The following MAP3K21 variants were observed in gnomAD, a reference collection of about 807,000 sequenced individuals.
MAP3K21 encodes the protein mitogen-activated protein kinase kinase kinase MLK4.
A neutral mutation model predicts 86.1 loss-of-function variants in MAP3K21; 63 were observed. The observed-to-expected ratio is 0.73, with a 90% CI of 0.60 to 0.90. The LOEUF is 0.90. Ranked by LOEUF, MAP3K21 falls within the 40% of genes least tolerant of loss-of-function variation. MAP3K21 has a pLI of 0.00. For missense variants in MAP3K21, 1,220 were observed against 1,367.7 expected, an observed-to-expected ratio of 0.89 and a Z score of 1.70; for synonymous variants, 558 against 564.8, an observed-to-expected ratio of 0.99 and a Z score of 0.17.
chr1:233,328,710 C>A lies in MAP3K21; in HGVS notation c.682C>A (p.Arg228Ser). Reference protein sequence around the residue: ...APDPRAPGPRRARRIPPHVLV... With the variant: ...APDPRAPGPRSARRIPPHVLV... ...GGACCCGCGCGCGCCCGGCCCCCGC[C>A]GCGCGCGCCGCATCCCTCCGCACGT... Residue 228 changes from arginine to serine, a missense_variant, in exon 1 of 10, where the codon CGC (arginine) becomes AGC (serine). Transcript: ENST00000366624. The surrounding 1 kb of genome is among the most constrained non-coding windows in gnomAD (Gnocchi z 8.7). The A allele has an allele frequency of 7.2e-7, 1 of 1,387,090 alleles. No individual in the cohort carries two copies. Among genetic ancestry groups the A allele is most frequent in the Non-Finnish European group, 9.4e-7 (1 of 1,063,730 alleles). The allele number at this position is 1,387,090 out of a possible 1,614,324, so 85.9% of individuals were successfully genotyped here. A position where few individuals can be genotyped will look rare whatever the true frequency, so the allele number is the denominator to read the frequency against.
rs1663876021 is a variant in MAP3K21 at position 233,379,660 on chromosome 1, A to G, written c.2654A>G (p.His885Arg). Reference sequence around the variant, plus strand: ...GTACCTTACTGTGCTTCTTCAAAACATAGACCGTCACATCACAGACGGACC... The same window carrying G: ...GTACCTTACTGTGCTTCTTCAAAACGTAGACCGTCACATCACAGACGGACC... ...GNVPYCASSK[H>R]RPSHHRRTMS... Residue 885 changes from histidine to arginine, a missense_variant, in exon 9 of 10, where the codon CAT becomes CGT. By Grantham distance (29) the His-to-Arg change is conservative. Around this residue, in one of 5 missense-constraint regions of MAP3K21, gnomAD observed 632 missense variants for 691.3 expected, o/e 0.91. Coordinates refer to ENST00000366624, the MANE Select transcript of MAP3K21 (RefSeq NM_032435.3). 1 of 1,613,864 alleles carries G rather than the reference A, an allele frequency of 6.2e-7. No homozygotes were observed. Among genetic ancestry groups the G allele is most frequent in the South Asian group, 1.1e-5 (1 of 91,088 alleles).
intron 8 of MAP3K21, among the ~76,000 whole-genome samples, chr1:233,377,310 T>C (rs1663818797): frequency 6.6e-6 from 1 of 152,226 alleles, no homozygotes; most frequent in African/African-American, 2.4e-5. Flanking sequence ...GTCTTTATAC[T>C]TGACCATTTA....
At chr1:233,380,071 C>T (rs116795467) in intron 9 of MAP3K21, among the ~76,000 whole-genome samples, 2,619 of 152,272 alleles carry the variant, frequency 0.017, 74 homozygotes, top group African/African-American at 0.06. Context: ...CGCCTCCCTG[C>T]GGGCCTTGTC....
Position 233,339,486 on chromosome 1 carries a change from C to CTT in MAP3K21, c.806-6945_806-6944dup, listed in dbSNP as rs746238626. On this transcript the variant is annotated intron_variant, in intron 1 of 9. Coordinates refer to ENST00000366624, the MANE Select transcript of MAP3K21 (RefSeq NM_032435.3). The stretch of plus-strand genomic sequence containing the variant: ...CCTCCTTCTCCTTCTTCTTCTTCTT[C>CTT]TTTTTTTTTTTTGAGGCAGGGTCTT... Among the ~76,000 whole-genome samples the CTT allele has an allele frequency of 2.0e-3, 168 of 85,216 alleles. 1 individual carries two copies. Among genetic ancestry groups the CTT allele is most frequent in the African/African-American group, 8.2e-3 (163 of 19,786 alleles). The allele number at this position is 85,216 out of a possible 152,430, so 55.9% of individuals were successfully genotyped here.
chr1:233,360,446 C>T (rs1391543377), intron 4 of MAP3K21, among the ~76,000 whole-genome samples: 1 of 151,958 alleles, frequency 6.6e-6, no homozygotes, highest in East Asian at 1.9e-4. Context: ...ATCATTTGGT[C>T]TAAAATAAAT....
intron 1 of MAP3K21, among the ~76,000 whole-genome samples, chr1:233,335,471 T>A (rs1483460179): frequency 6.6e-6 from 1 of 152,156 alleles, no homozygotes; most frequent in Non-Finnish European, 1.5e-5. Flanking sequence ...TCACAATTTA[T>A]CCTCATTTAT....
At chr1:233,347,219 T>A (rs1412527479) in intron 2 of MAP3K21, among the ~76,000 whole-genome samples, 1 of 152,182 alleles carries the variant, frequency 6.6e-6, no homozygotes, top group Non-Finnish European at 1.5e-5. Context: ...TAACAAACTT[T>A]TGATTCCTTG....
At position 233,354,993 on chromosome 1, in the gene MAP3K21, G is replaced by A; in HGVS notation, c.1293G>A (p.Glu431=). The part of the protein sequence containing the change: ...WKLEIQQMFD[E]LRTKEKELRS... ...TAGAAATTCAACAAATGTTTGATGA[G>A]TTGAGAACAAAGGAAAAGGTGAGAG... Residue 431 remains glutamate, a synonymous_variant, in exon 4 of 10, where the codon GAG becomes GAA. Transcript: ENST00000366624. 1 of 1,612,220 alleles carries A rather than the reference G, an allele frequency of 6.2e-7. No individual in the cohort carries two copies. Among genetic ancestry groups the A allele is most frequent in the Non-Finnish European group, 8.5e-7 (1 of 1,178,844 alleles).
At chr1:233,339,609 T>C (rs1662998345) in intron 1 of MAP3K21, among the ~76,000 whole-genome samples, 1 of 151,660 alleles carries the variant, frequency 6.6e-6, no homozygotes, top group Non-Finnish European at 1.5e-5. Context: ...GCCTCCCAAA[T>C]AGCTGGGGCT....
At chr1:233,343,460 C>G (rs888047099) in intron 1 of MAP3K21, among the ~76,000 whole-genome samples, 1 of 152,046 alleles carries the variant, frequency 6.6e-6, no homozygotes, top group African/African-American at 2.4e-5. Context: ...GCGGGTTGGC[C>G]CTAGACTGCA....
In MAP3K21 at chr1:233,353,845, TC is replaced by T; in HGVS notation, c.1029del (p.Tyr344IlefsTer13). ...CTGTGGGAACTGCTCACCGGAGAAGTCCCCTATCGGGGCATTGATGGCCTCG... is the reference window on the plus strand; with the variant it reads ...CTGTGGGAACTGCTCACCGGAGAAGTCCCTATCGGGGCATTGATGGCCTCG... ...VLLWELLTGEVPYRGIDGLAV... is the reference protein window; with the variant it reads ...VLLWELLTGEXPYRGIDGLAV... On this transcript the variant is annotated frameshift_variant, in exon 3 of 10. Coordinates refer to ENST00000366624, the MANE Select transcript of MAP3K21 (RefSeq NM_032435.3). LOFTEE classifies it high-confidence loss of function. 1 of 1,609,294 alleles carries T rather than the reference TC, an allele frequency of 6.2e-7. No homozygotes were observed. The highest frequency in any genetic ancestry group is 8.5e-7 in the Non-Finnish European group (1 of 1,178,468).
chr1:233,345,135 G>T (rs577667080), intron 1 of MAP3K21, among the ~76,000 whole-genome samples: 3 of 152,204 alleles, frequency 2.0e-5, no homozygotes, highest in African/African-American at 7.2e-5. Context: ...CTGTTGGTGG[G>T]AGTGTAAACT....
chr1:233,357,018 C>A (rs1663372001), intron 4 of MAP3K21, among the ~76,000 whole-genome samples: 1 of 152,200 alleles, frequency 6.6e-6, no homozygotes, highest in Admixed American at 6.5e-5. Flanking sequence ...CGCCTGTAAT[C>A]CCAGTGCTTT....
At chr1:233,355,857 C>G (rs1572248074) in intron 4 of MAP3K21, among the ~76,000 whole-genome samples, 1 of 152,216 alleles carries the variant, frequency 6.6e-6, no homozygotes, top group Non-Finnish European at 1.5e-5. Context: ...TGGGCACTCT[C>G]TGTGCAGCCT....
At position 233,376,044 on chromosome 1, in the gene MAP3K21, G is replaced by C. The variant is rs753986648; in HGVS notation, c.1804G>C (p.Asp602His). 23 of 1,605,002 alleles carry C rather than the reference G, an allele frequency of 1.4e-5. No individual in the cohort carries two copies. In the African/African-American group the frequency reaches 2.0e-4, roughly 14 times the overall value. Residue 602 changes from aspartate to histidine, a missense_variant, in exon 7 of 10, where the codon GAT becomes CAT. Transcript: ENST00000366624. ...TWGPNSIQMK[D>H]RTDCKERIRP... ...GGGACCAAATTCCATTCAAATGAAA[G>C]ATAGAACAGATTGCAAAGAAAGGTA...
At chr1:233,352,136 T>C (rs920503603) in intron 2 of MAP3K21, among the ~76,000 whole-genome samples, 8 of 152,106 alleles carry the variant, frequency 5.3e-5, no homozygotes, top group African/African-American at 1.9e-4. Context: ...TTCTGCCCAC[T>C]TCACCTTCCC....
intron 6 of MAP3K21, 32 bp downstream of exon 6, chr1:233,372,192 G>A: frequency 6.2e-7 from 1 of 1,610,728 alleles, no homozygotes; most frequent in Non-Finnish European, 8.5e-7. Context: ...GGGGGCTCCT[G>A]TGTTGACTTC....
intron 8 of MAP3K21, among the ~76,000 whole-genome samples, chr1:233,376,833 T>C (rs1663806977): frequency 6.6e-6 from 1 of 152,128 alleles, no homozygotes; most frequent in Non-Finnish European, 1.5e-5. Flanking sequence ...GATGTAAAAA[T>C]ATAGACCCCC....
chr1:233,335,445 A>G (rs1363704529), intron 1 of MAP3K21, among the ~76,000 whole-genome samples: 1 of 152,198 alleles, frequency 6.6e-6, no homozygotes, highest in Non-Finnish European at 1.5e-5. Flanking sequence ...AGGGCATATT[A>G]GATGCCGAGC....
Sources: gnomAD v4.1 joint callset for allele counts (sites outside exome capture counted in the v4.1 genomes callset) on GRCh38, gnomAD v4.1.1 for gene constraint, gnomAD v4.1.1 regional missense constraint, Gnocchi (gnomAD v3.1) non-coding constraint, MANE v1.5 for transcripts, NCBI Gene and HGNC (gene_info 2026-07-23, HGNC 2026-07-21) for gene names.